Variants in KIF13A observed in about 807,000 individuals in gnomAD.
The protein encoded by KIF13A is kinesin family member 13A.
In KIF13A, 79 loss-of-function variants were observed where a neutral mutation model predicts 212.2. The ratio of observed to expected loss-of-function variants is 0.37; its 90% CI spans 0.31 to 0.45. The LOEUF is 0.45. Ranked by LOEUF, KIF13A falls within the 20% of genes least tolerant of loss-of-function variation. KIF13A has a pLI of 1.00. For missense variants in KIF13A, 1,901 were observed against 2,209.0 expected, an observed-to-expected ratio of 0.86 and a Z score of 2.79; for synonymous variants, 789 against 808.6, an observed-to-expected ratio of 0.98 and a Z score of 0.41.
In KIF13A at chr6:17,845,038, T is replaced by C. The variant is rs544251500; in HGVS notation, c.830+4339A>G. ...AATTTTTAAAGAAAAAGAGGTTTAA[T>C]GGACTCACAGTTCCACGTGGCTGGG... On this transcript the variant is annotated intron_variant, in intron 9 of 38. Transcript: ENST00000259711. Among the ~76,000 whole-genome samples the C allele has an allele frequency of 8.5e-5, 13 of 152,296 alleles. No individual in the cohort carries two copies. The South Asian group carries it at 2.7e-3, about 32-fold the overall frequency.
At position 17,781,219 on chromosome 6, in the gene KIF13A, G is replaced by A. The variant is rs942376; in HGVS notation, c.3627C>T (p.Ser1209=). The A allele has an allele frequency of 0.19, 305,196 of 1,613,122 alleles. 30,864 individuals carry two copies. The highest frequency in any genetic ancestry group is 0.32 in the Admixed American group (19,398 of 59,948). ...TTATGATGGGCAGGTAGAAAAACTG[G>A]CTGCCATGCTCCTTGGGCAGGATGG... ...VNSILPKEHG[S]QFFYLPIIKH... is the part of the protein sequence containing the mutation. Residue 1209 remains serine (S), a synonymous_variant, in exon 30 of 39, where the codon AGC becomes AGT. Coordinates refer to ENST00000259711, the MANE Select transcript of KIF13A (RefSeq NM_022113.6).
rs1774423960 is a variant in KIF13A, at chr6:17,915,607, G to C, written c.147-17427C>G. Among the ~76,000 whole-genome samples the C allele has an allele frequency of 6.6e-6, 1 of 152,124 alleles. No individual in the cohort carries two copies. Among genetic ancestry groups the C allele is most frequent in the African/African-American group, 2.4e-5 (1 of 41,404 alleles). On this transcript the variant is annotated intron_variant, in intron 2 of 38. Coordinates refer to ENST00000259711, the MANE Select transcript of KIF13A (RefSeq NM_022113.6). The surrounding 1 kb of genome is among the most constrained non-coding windows in gnomAD (Gnocchi z 4.4). ...ACTCAGCAGCCTACTGATTCTGTAG[G>C]ACATCACTGCAGAACCATGTAGTTT... is the stretch of plus-strand genomic sequence containing the variant.
rs1554172080 is a variant in KIF13A at position 17,821,552 on chromosome 6, G to GTGTGTGTGTGTGTGT, written c.1786+4215_1786+4216insACACACACACACACA. 5.1e-4 allele frequency among the ~76,000 whole-genome samples: 57 copies of GTGTGTGTGTGTGTGT among 112,094 alleles called. 1 individual carries two copies. Among genetic ancestry groups the GTGTGTGTGTGTGTGT allele is most frequent in the African/African-American group, 1.7e-3 (56 of 32,992 alleles). The allele number at this position is 112,094 out of a possible 152,430, so 73.5% of individuals were successfully genotyped here. A position where few individuals can be genotyped will look rare whatever the true frequency, so the allele number is the denominator to read the frequency against. Reference sequence around the variant, plus strand: ...TGGGAGGCAAATGGAATTGGGACATGGTGTGTGTGTGTGTGTGTGTGTGTG... The same window carrying GTGTGTGTGTGTGTGT: ...TGGGAGGCAAATGGAATTGGGACATGTGTGTGTGTGTGTGTGTGTGTGTGTGTGTGTGTGTGTGTG... On this transcript the variant is annotated intron_variant, in intron 16 of 38. Transcript: ENST00000259711.
Position 17,817,058 on chromosome 6 carries a change from C to G in KIF13A, c.1962G>C (p.Gln654His). The change falls in exon 17 of 39, where the codon CAG (glutamine) becomes CAC (histidine). Residue 654 changes from glutamine to histidine, a missense_variant. Gln to His is a conservative substitution (Grantham distance 24). Around this residue, in one of 5 missense-constraint regions of KIF13A, gnomAD observed 534 missense variants for 536.9 expected, o/e 0.99. Transcript: ENST00000259711. ...ACTGGGTCACCTTCTGCTGCGCTGT[C>G]TGGCTGCTGTAGGCCAGGCGGTCAG... ...SGPDRLAYSS[Q>H]TAQQKVTQWA... is the part of the protein sequence containing the mutation. 6.2e-7 allele frequency: 1 copy of G among 1,613,364 alleles called. No individual in the cohort carries two copies.
intron 2 of KIF13A, among the ~76,000 whole-genome samples, chr6:17,948,163 T>A (rs1429605645): frequency 2.0e-5 from 3 of 152,226 alleles, no homozygotes; most frequent in Non-Finnish European, 4.4e-5. Context: ...CCGAGTTACT[T>A]GCTCTCCCTT....
At chr6:17,805,361 G>T in intron 19 of KIF13A, 114 bp downstream of exon 19, 2 of 822,654 alleles carry the variant, frequency 2.4e-6, no homozygotes, top group Non-Finnish European at 3.8e-6. Context: ...CGTATCATGA[G>T]CACATCTCCG....
Position 17,987,568 on chromosome 6 carries a change from G to T in KIF13A, c.-105C>A. ...AGCCGCGCGCCCCTCGAGCGCGGCC[G>T]CCGCCGCTCCGCCGTGAGCTCCGAG... is the stretch of plus-strand genomic sequence containing the variant. On this transcript the variant is annotated 5_prime_UTR_variant, in exon 1 of 39. Transcript: ENST00000259711. The surrounding 1 kb of genome is among the most constrained non-coding windows in gnomAD (Gnocchi z 7.7). 1 of 565,680 alleles carries T rather than the reference G, an allele frequency of 1.8e-6. No homozygotes were observed. 35.0% of individuals were successfully genotyped at this position (565,680 alleles called of 1,614,324 possible).
rs1761376840 is a variant in KIF13A, at chr6:17,789,760, G to A, written c.3261+112C>T. The A allele has an allele frequency of 2.7e-6, 2 of 747,576 alleles. No individual in the cohort carries two copies. The highest frequency in any genetic ancestry group is 3.5e-5 in the African/African-American group (2 of 56,426). 46.3% of individuals were successfully genotyped at this position (747,576 alleles called of 1,614,324 possible). Reference sequence around the variant, plus strand: ...GCAAATCAAAAGCAAGTGAAAAACTGCATATTCTCGCTCTAGGGCCCTCCT... The same window carrying A: ...GCAAATCAAAAGCAAGTGAAAAACTACATATTCTCGCTCTAGGGCCCTCCT... On this transcript the variant is annotated intron_variant, in intron 26 of 38. Transcript: ENST00000259711. The surrounding 1 kb of genome is among the most constrained non-coding windows in gnomAD (Gnocchi z 4.8).
At position 17,836,992 on chromosome 6, in the gene KIF13A, G is replaced by A. The variant is rs762986172; in HGVS notation, c.1041C>T (p.Asp347=). 4 of 1,613,890 alleles carry A rather than the reference G, an allele frequency of 2.5e-6. No homozygotes were observed. The highest frequency in any genetic ancestry group is 2.5e-6 in the Non-Finnish European group (3 of 1,179,882). Residue 347 remains aspartate (D), a synonymous_variant, in exon 11 of 39, where the codon GAC becomes GAT. Transcript: ENST00000259711. ...EETLSTLRYA[D]RAKRIVNHAV... ...CATGGTTCACAATCCTTTTGGCTCGGTCTGCATATCTTAATGTGGAGAGGG... is the reference window on the plus strand; with the variant it reads ...CATGGTTCACAATCCTTTTGGCTCGATCTGCATATCTTAATGTGGAGAGGG...
chr6:17,924,775 C>A (rs2150526265), intron 2 of KIF13A, among the ~76,000 whole-genome samples: 1 of 152,270 alleles, frequency 6.6e-6, no homozygotes, highest in East Asian at 1.9e-4. Context: ...GCAAAGTCTT[C>A]CAGATGTAGA....
At chr6:17,841,044 T>C (rs73371151) in intron 9 of KIF13A, among the ~76,000 whole-genome samples, 6,172 of 151,666 alleles carry the variant, frequency 0.041, 431 homozygotes, top group African/African-American at 0.14. Context: ...TCCCATAACC[T>C]GCCTCCCGCA....
chr6:17,975,971 T>C (rs764247966), intron 2 of KIF13A, among the ~76,000 whole-genome samples: 10 of 152,074 alleles, frequency 6.6e-5, no homozygotes, highest in Admixed American at 3.9e-4. Flanking sequence ...ACAGTGTCGA[T>C]TGGTGCATTC....
chr6:17,818,742 T>C (rs1346802604), intron 16 of KIF13A, among the ~76,000 whole-genome samples: 1 of 152,096 alleles, frequency 6.6e-6, no homozygotes, highest in African/African-American at 2.4e-5. Context: ...CTACAACACG[T>C]AGCTACAAAG....
intron 16 of KIF13A, among the ~76,000 whole-genome samples, chr6:17,824,119 G>A (rs1320120666): frequency 6.6e-6 from 1 of 151,530 alleles, no homozygotes; most frequent in East Asian, 2.0e-4. Context: ...TGTTGGTCAG[G>A]CTAGTCTCAA....
chr6:17,777,721 ATGTT>A lies in KIF13A; in HGVS notation c.4093-371_4093-368del, dbSNP rs1241660387. 5.3e-5 allele frequency among the ~76,000 whole-genome samples: 8 copies of A among 151,126 alleles called. No individual in the cohort carries two copies. The highest frequency in any genetic ancestry group is 5.2e-4 in the Admixed American group (8 of 15,252). On this transcript the variant is annotated intron_variant, in intron 33 of 38. Transcript: ENST00000259711. This position sits in a 1 kb window ranked among gnomAD's most constrained non-coding sequence, Gnocchi z 4.4. ...TTTATTCTAATTATAAAAGTAACAT[ATGTT>A]TATTTATAGATTTAAATATAGACTG...
chr6:17,969,914 T>G (rs2150605402), intron 2 of KIF13A, among the ~76,000 whole-genome samples: 1 of 151,204 alleles, frequency 6.6e-6, no homozygotes, highest in Admixed American at 6.7e-5. Context: ...GCCTGTGTAT[T>G]TACTTGTGTT....
chr6:17,942,972 CT>C (rs973499970), intron 2 of KIF13A, among the ~76,000 whole-genome samples: 70 of 151,978 alleles, frequency 4.6e-4, no homozygotes, highest in African/African-American at 1.6e-3. Flanking sequence ...GAGTGAGACT[CT>C]GTCTCAAAAA....
At chr6:17,766,577 AG>A (rs1399318327) in intron 38 of KIF13A, among the ~76,000 whole-genome samples, 4 of 151,954 alleles carry the variant, frequency 2.6e-5, no homozygotes, top group African/African-American at 7.3e-5. Context: ...TTTTACAGAC[AG>A]GGGTCCTGCT....
chr6:17,938,870 A>G lies in KIF13A; in HGVS notation c.147-40690T>C, dbSNP rs1776715178. 1.3e-5 allele frequency among the ~76,000 whole-genome samples: 2 copies of G among 151,014 alleles called. 1 individual carries two copies. Among genetic ancestry groups the G allele is most frequent in the Non-Finnish European group, 2.9e-5 (2 of 67,880 alleles). On this transcript the variant is annotated intron_variant, in intron 2 of 38. Coordinates refer to ENST00000259711, the MANE Select transcript of KIF13A (RefSeq NM_022113.6). ...CAACGAAAAAGTTGTGTTGTTATATAAGGAATGCACTAATTTTTATGTATT... is the reference window on the plus strand; with the variant it reads ...CAACGAAAAAGTTGTGTTGTTATATGAGGAATGCACTAATTTTTATGTATT...
Sources: allele counts gnomAD v4.1 joint callset (sites outside exome capture counted in the v4.1 genomes callset), GRCh38; gene constraint gnomAD v4.1.1; regional missense constraint gnomAD v4.1.1; non-coding constraint Gnocchi (gnomAD v3.1); transcripts MANE v1.5; gene names NCBI Gene and HGNC (gene_info 2026-07-23, HGNC 2026-07-21).